Variants in TMEM71 observed in about 807,000 individuals in gnomAD.
TMEM71 encodes transmembrane protein 71.
TMEM71 carries 44 observed loss-of-function variants against 38.0 expected under a neutral mutation model. That is an observed-to-expected ratio of 1.16 (90% CI 0.91 to 1.49). The LOEUF is 1.49. Among genes scored for constraint, TMEM71 ranks in the 40% most tolerant of loss-of-function variants. The pLI is 0.00. For synonymous variants in TMEM71, 133 were observed against 122.5 expected (o/e 1.09, Z -0.56); for missense variants, 367 against 348.6 (o/e 1.05, Z -0.42).
At chr8:132,763,221 A>T (rs1324090469), upstream of TMEM71, among the ~76,000 whole-genome samples, 1 of 152,148 alleles carries the variant, frequency 6.6e-6, no homozygotes, top group Non-Finnish European at 1.5e-5. Flanking sequence ...CTTTTTACCA[A>T]GGAATATGTC....
chr8:132,760,025 G>C (rs1173011103), intron 1 of TMEM71, among the ~76,000 whole-genome samples: 1 of 152,094 alleles, frequency 6.6e-6, no homozygotes, highest in East Asian at 1.9e-4. Flanking sequence ...GTACGGGTAT[G>C]CCCAGCCCAA....
chr8:132,707,116 G>A (rs545920178), downstream of TMEM71, among the ~76,000 whole-genome samples: 1 of 152,236 alleles, frequency 6.6e-6, no homozygotes, highest in East Asian at 1.9e-4. Context: ...AATTTCAAAG[G>A]TCAGGGAGGA....
At chr8:132,766,401 TGGGGGGCG>T in the TMEM71 span, among the ~76,000 whole-genome samples, 3 of 9,072 alleles carry the variant, frequency 3.3e-4, no homozygotes, top group African/African-American at 1.0e-3. Context: ...CAGAAGTACA[TGGGGGGCG>T]GGGGGGAAAG....
At chr8:132,756,912 A>T (rs1014393042) in intron 3 of TMEM71, among the ~76,000 whole-genome samples, 2 of 151,684 alleles carry the variant, frequency 1.3e-5, no homozygotes. Context: ...TTTTTAGACA[A>T]GTCTCTCTCT....
At chr8:132,735,253 G>A (rs997372392) in intron 5 of TMEM71, among the ~76,000 whole-genome samples, 5 of 152,180 alleles carry the variant, frequency 3.3e-5, no homozygotes, top group Admixed American at 2.0e-4. Flanking sequence ...AACACAGCTG[G>A]GAAAGGGGTG....
At chr8:132,768,831 C>A in the TMEM71 span, among the ~76,000 whole-genome samples, 1 of 152,244 alleles carries the variant, frequency 6.6e-6, no homozygotes, top group Non-Finnish European at 1.5e-5. Flanking sequence ...CCACAATTAC[C>A]TTGGAGATAG....
At chr8:132,735,372 A>G (rs1471135984) in intron 5 of TMEM71, among the ~76,000 whole-genome samples, 1 of 152,260 alleles carries the variant, frequency 6.6e-6, no homozygotes, top group Non-Finnish European at 1.5e-5. Flanking sequence ...GAGAGAAAAC[A>G]GCAAAACAAT....
chr8:132,754,881 T>G (rs1586806740), intron 3 of TMEM71, among the ~76,000 whole-genome samples: 1 of 152,340 alleles, frequency 6.6e-6, no homozygotes, highest in East Asian at 1.9e-4. Flanking sequence ...TTTCCAGACA[T>G]GCACTGACCC....
chr8:132,714,347 T>C, intron 7 of TMEM71, 132 bp from the exon 8 acceptor site: 1 of 712,252 alleles, frequency 1.4e-6, no homozygotes, highest in Admixed American at 2.3e-5. Flanking sequence ...ACAGTGGTAT[T>C]GGAAAATGGA....
intron 9 of TMEM71, among the ~76,000 whole-genome samples, chr8:132,712,535 A>G (rs927041482): frequency 3.9e-5 from 6 of 151,974 alleles, no homozygotes; most frequent in African/African-American, 1.5e-4. Flanking sequence ...TCCTGTACTA[A>G]CCTGATATTT....
intron 5 of TMEM71, among the ~76,000 whole-genome samples, chr8:132,738,349 A>C (rs977344462): frequency 2.0e-5 from 3 of 152,170 alleles, no homozygotes; most frequent in Non-Finnish European, 2.9e-5. Flanking sequence ...CAGTCTCCCA[A>C]ATTAAATACC....
intron 6 of TMEM71, among the ~76,000 whole-genome samples, chr8:132,724,533 C>A (rs1827029204): frequency 6.6e-6 from 1 of 152,166 alleles, no homozygotes; most frequent in Non-Finnish European, 1.5e-5. Flanking sequence ...TTATGGTTGT[C>A]TTCCCTTGTT....
the TMEM71 span, among the ~76,000 whole-genome samples, chr8:132,769,279 A>C: frequency 6.6e-6 from 1 of 152,266 alleles, no homozygotes; most frequent in South Asian, 2.1e-4. Flanking sequence ...TTGTCGAGTC[A>C]GAATGACCAT....
intron 5 of TMEM71, among the ~76,000 whole-genome samples, chr8:132,736,226 C>A (rs776179171): frequency 2.6e-5 from 4 of 152,174 alleles, no homozygotes; most frequent in African/African-American, 9.7e-5. Flanking sequence ...CTACCCTACA[C>A]CTTAGAAAAC....
At chr8:132,766,603 C>A in the TMEM71 span, among the ~76,000 whole-genome samples, 1 of 151,946 alleles carries the variant, frequency 6.6e-6, no homozygotes, top group African/African-American at 2.4e-5. Context: ...AGTTCAAGAC[C>A]AGCTTGGGCA....
At chr8:132,721,916 C>G in intron 7 of TMEM71, 124 bp downstream of exon 7, 1 of 821,900 alleles carries the variant, frequency 1.2e-6, no homozygotes, top group Non-Finnish European at 2.1e-6. Context: ...TGGACAGACA[C>G]ATGAACGAAT....
At chr8:132,769,274 G>A in the TMEM71 span, among the ~76,000 whole-genome samples, 4 of 152,114 alleles carry the variant, frequency 2.6e-5, no homozygotes, top group Admixed American at 6.5e-5. Context: ...TTGATTTGTC[G>A]AGTCAGAATG....
At chr8:132,744,861 C>T (rs552882295) in intron 5 of TMEM71, among the ~76,000 whole-genome samples, 2 of 152,098 alleles carry the variant, frequency 1.3e-5, no homozygotes, top group African/African-American at 4.8e-5. Context: ...AATAGAGAAC[C>T]CAGAAGTAAA....
chr8:132,738,762 A>G (rs1318353050), intron 5 of TMEM71, among the ~76,000 whole-genome samples: 1 of 152,160 alleles, frequency 6.6e-6, no homozygotes, highest in African/African-American at 2.4e-5. Flanking sequence ...GGAAAACTAG[A>G]ATCACTCAAT....
Sources: allele counts gnomAD v4.1 joint callset (sites outside exome capture counted in the v4.1 genomes callset), GRCh38; gene constraint gnomAD v4.1.1; transcripts MANE v1.5; gene names NCBI Gene and HGNC (gene_info 2026-07-23, HGNC 2026-07-21).